ESR1: variants seen among roughly 807,000 people sequenced by gnomAD.
The protein encoded by ESR1 is estrogen receptor.
ESR1 carries 12 observed loss-of-function variants against 52.7 expected under a neutral mutation model. That is an observed-to-expected ratio of 0.23 (90% CI 0.15 to 0.37). The LOEUF is 0.37. Ranked by LOEUF, ESR1 falls within the 10% of genes least tolerant of loss-of-function variation. The pLI is 1.00. For synonymous variants in ESR1, 305 were observed against 316.8 expected, an observed-to-expected ratio of 0.96 and a Z score of 0.39; for missense variants, 584 against 779.7, an observed-to-expected ratio of 0.75 and a Z score of 2.99.
At chr6:151,952,312 A>C (rs1414481163) in intron 4 of ESR1, among the ~76,000 whole-genome samples, 2 of 152,180 alleles carry the variant, frequency 1.3e-5, no homozygotes, top group Admixed American at 1.3e-4. Context: ...TCTGGGAAAG[A>C]CCTTTGTAAA....
At chr6:151,755,383 T>A (rs1198158150) in intron 2 of ESR1, among the ~76,000 whole-genome samples, 1 of 152,192 alleles carries the variant, frequency 6.6e-6, no homozygotes, top group Non-Finnish European at 1.5e-5. Flanking sequence ...GGGGTCATTC[T>A]TGACTCCTCT....
intron 5 of ESR1, among the ~76,000 whole-genome samples, chr6:152,029,362 G>A (rs558521332): frequency 8.5e-5 from 13 of 152,234 alleles, no homozygotes; most frequent in East Asian, 7.7e-4. Context: ...GAGGAAGTTC[G>A]AACCCACGGC....
intron 2 of ESR1, among the ~76,000 whole-genome samples, chr6:151,757,545 T>G (rs1008458110): frequency 1.3e-5 from 2 of 152,334 alleles, no homozygotes; most frequent in African/African-American, 4.8e-5. Flanking sequence ...GCCTAGAACC[T>G]TGGATCCTGA....
intron 1 of ESR1, among the ~76,000 whole-genome samples, chr6:151,816,880 A>AAAAAAC (rs1297226905): frequency 3.3e-5 from 5 of 152,210 alleles, no homozygotes; most frequent in Admixed American, 2.6e-4. Context: ...TGTCTCTACA[A>AAAAAAC]AAAAACAAAA....
At chr6:152,037,794 T>C (rs192553596) in intron 5 of ESR1, among the ~76,000 whole-genome samples, 4 of 152,186 alleles carry the variant, frequency 2.6e-5, no homozygotes, top group Non-Finnish European at 4.4e-5. Flanking sequence ...ATCACAAGGC[T>C]AGAGAGTGGC....
intron 2 of ESR1, among the ~76,000 whole-genome samples, chr6:151,878,030 G>A (rs188674131): frequency 1.3e-5 from 2 of 151,984 alleles, no homozygotes; most frequent in East Asian, 3.9e-4. Flanking sequence ...GCCCAGGCTG[G>A]TCTAAAACTC....
At chr6:151,920,116 T>G (rs1447602608) in intron 3 of ESR1, among the ~76,000 whole-genome samples, 1 of 152,148 alleles carries the variant, frequency 6.6e-6, no homozygotes, top group East Asian at 1.9e-4. Context: ...CTTCATGGTC[T>G]TCAGTACATA....
intron 2 of ESR1, among the ~76,000 whole-genome samples, chr6:151,708,646 G>C (rs1283780800): frequency 6.6e-6 from 1 of 151,800 alleles, no homozygotes; most frequent in East Asian, 1.9e-4. Flanking sequence ...TCATTTTCTT[G>C]ACTTCTAATG....
At chr6:151,868,905 G>A (rs1239565125) in intron 2 of ESR1, among the ~76,000 whole-genome samples, 1 of 152,126 alleles carries the variant, frequency 6.6e-6, no homozygotes, top group South Asian at 2.1e-4. Flanking sequence ...CACTTAGAGG[G>A]TCGAAAGTGT....
chr6:151,732,802 T>G, intron 2 of ESR1, among the ~76,000 whole-genome samples: 1 of 152,164 alleles, frequency 6.6e-6, no homozygotes, highest in East Asian at 1.9e-4. Context: ...CCATGCCCCA[T>G]GAAGGGTAGT....
intron 2 of ESR1, among the ~76,000 whole-genome samples, chr6:151,769,113 A>G (rs1371410938): frequency 6.6e-6 from 1 of 152,196 alleles, no homozygotes; most frequent in Non-Finnish European, 1.5e-5. Context: ...TGACTTACGT[A>G]TTTAGGTAGA....
At chr6:151,850,114 T>TATATATA (rs61329041) in intron 2 of ESR1, among the ~76,000 whole-genome samples, 1 of 35,056 alleles carries the variant, frequency 2.9e-5, no homozygotes, top group African/African-American at 1.1e-4. Context: ...ATATACAAAA[T>TATATATA]TATATATATA....
At chr6:151,686,050 A>C (rs1778651798), upstream of ESR1, among the ~76,000 whole-genome samples, 1 of 141,804 alleles carries the variant, frequency 7.1e-6, no homozygotes, top group Admixed American at 6.8e-5. Flanking sequence ...CATCACATCC[A>C]GCTAATTAAA....
rs77769568 is a variant in ESR1 at position 152,034,953 on chromosome 6, C to T, written c.1235+23159C>T. Among the ~76,000 whole-genome samples, 1,485 of 152,308 alleles carry T rather than the reference C, an allele frequency of 9.7e-3. 29 individuals are homozygous for T. Among genetic ancestry groups the T allele is most frequent in the African/African-American group, 0.034 (1,417 of 41,576 alleles). ...TGGAGTGATAGATGTTTGCTAACTA[C>T]GCACGTGACAAAAATTTGCTTAGAG... On this transcript the variant is annotated intron_variant, in intron 5 of 7. Transcript: ENST00000206249.
At chr6:151,755,010 G>A (rs967485073) in intron 2 of ESR1, among the ~76,000 whole-genome samples, 7 of 152,084 alleles carry the variant, frequency 4.6e-5, no homozygotes, top group South Asian at 2.1e-4. Flanking sequence ...CCAGGAGTTC[G>A]AGACCAGTCT....
intron 6 of ESR1, among the ~76,000 whole-genome samples, chr6:152,109,344 T>C (rs2051103775): frequency 3.3e-5 from 5 of 152,166 alleles, no homozygotes. Flanking sequence ...AAGCTAGTTT[T>C]AAGTTCACAT....
intron 3 of ESR1, among the ~76,000 whole-genome samples, chr6:151,905,430 G>T (rs1797291509): frequency 6.6e-6 from 1 of 152,146 alleles, no homozygotes. Flanking sequence ...TTAAAACTTG[G>T]TTGATTCTAA....
intron 6 of ESR1, among the ~76,000 whole-genome samples, chr6:152,067,256 C>G (rs1748680609): frequency 6.6e-6 from 1 of 152,118 alleles, no homozygotes; most frequent in African/African-American, 2.4e-5. Flanking sequence ...ACTGGGGAAA[C>G]CAACAAAATG....
At chr6:152,090,332 G>A (rs891702216) in intron 6 of ESR1, among the ~76,000 whole-genome samples, 1 of 152,160 alleles carries the variant, frequency 6.6e-6, no homozygotes, top group Admixed American at 6.5e-5. Flanking sequence ...TTTCCTTTGA[G>A]TCATTCTGTT....
Sources: allele counts gnomAD v4.1 joint callset (sites outside exome capture counted in the v4.1 genomes callset), GRCh38; gene constraint gnomAD v4.1.1; transcripts MANE v1.5; gene names NCBI Gene and HGNC (gene_info 2026-07-23, HGNC 2026-07-21).